MMP11: variants seen among roughly 807,000 people sequenced by gnomAD.
MMP11 encodes stromelysin-3.
Under a neutral mutation model 49.5 loss-of-function variants are expected in MMP11, and 26 were observed. The observed-to-expected ratio is 0.52, with a 90% CI of 0.38 to 0.73. The LOEUF is 0.73. Ranked by LOEUF, MMP11 falls within the 30% of genes least tolerant of loss-of-function variation. The pLI, the probability that MMP11 is intolerant of heterozygous loss-of-function variation, is 0.00. For synonymous variants in MMP11, 265 were observed against 282.3 expected (o/e 0.94, Z 0.62); for missense variants, 624 against 671.2 (o/e 0.93, Z 0.78).
intron 6 of MMP11, 42 bp from the exon 7 acceptor site, chr22:23,782,184 G>A (rs1348416473): frequency 2.5e-6 from 4 of 1,588,392 alleles, no homozygotes; most frequent in East Asian, 2.2e-5. Flanking sequence ...GGGCATGGCA[G>A]TGGTGGCTGG....
At position 23,781,233 on chromosome 22, in the gene MMP11, C is replaced by T. The variant is rs1273907488; in HGVS notation, c.899C>T (p.Ala300Val). ...GATGCCTGTGAGGCCTCCTTTGACG[C>T]GGTCTCCACCATCCGAGGCGAGCTC... ...PPDACEASFD[A>V]VSTIRGELFF... The change falls in exon 6 of 8, where the codon GCG becomes GTG. Residue 300 changes from alanine (A) to valine (V), a missense_variant. By Grantham distance (64) the Ala-to-Val change is moderately conservative. Transcript: ENST00000215743. 6.8e-6 allele frequency: 11 copies of T among 1,611,518 alleles called. No homozygotes were observed. Among genetic ancestry groups the T allele is most frequent in the African/African-American group, 1.3e-5 (1 of 74,944 alleles).
chr22:23,781,425 G>T lies in MMP11; in HGVS notation c.1075+16G>T. ...TTCTTCCAAGGTGAGTGGGGGTTGG[G>T]GATCTGCTCGAGAGACTTCCCAGAG... On this transcript the variant is annotated intron_variant, in intron 6 of 7. Coordinates refer to ENST00000215743, the MANE Select transcript of MMP11 (RefSeq NM_005940.5). 1 of 1,574,034 alleles carries T rather than the reference G, an allele frequency of 6.4e-7. No individual in the cohort carries two copies.
intron 1 of MMP11, among the ~76,000 whole-genome samples, chr22:23,778,113 C>A (rs1321303513): frequency 6.6e-6 from 1 of 152,218 alleles, no homozygotes; most frequent in Non-Finnish European, 1.5e-5. Context: ...AGTCTCTCAG[C>A]AAGCAGCACA....
chr22:23,779,544 C>T, intron 2 of MMP11, 128 bp downstream of exon 2: 1 of 847,424 alleles, frequency 1.2e-6, no homozygotes, highest in Non-Finnish European at 1.8e-6. Flanking sequence ...TGTGTGTCCA[C>T]TGAACCCCAG....
rs1434263354 is a variant in MMP11, at chr22:23,781,040, C to T, written c.798C>T (p.Ser266=). ...GCCAGCCCTGGCCCACTGTCACCTC[C>T]AGGACCCCAGCCCTGGGCCCCCAGG... The part of the protein sequence containing the change: ...LYGQPWPTVT[S]RTPALGPQAG... The change falls in exon 5 of 8, where the codon TCC becomes TCT. Residue 266 remains serine, a synonymous_variant. Coordinates refer to ENST00000215743, the MANE Select transcript of MMP11 (RefSeq NM_005940.5). The T allele has an allele frequency of 6.2e-7, 1 of 1,611,788 alleles. No homozygotes were observed. The highest frequency in any genetic ancestry group is 2.2e-5 in the East Asian group (1 of 44,888).
chr22:23,777,321 A>C (rs996312970), intron 1 of MMP11, among the ~76,000 whole-genome samples: 7 of 151,152 alleles, frequency 4.6e-5, no homozygotes, highest in Admixed American at 6.6e-5. Context: ...TAATCCCAGC[A>C]CTTTGGGAGG....
chr22:23,772,925 A>ATGCTGCTGCTGC lies in MMP11; in HGVS notation c.60_71dup (p.Leu21_Leu24dup). 1 of 1,208,312 alleles carries ATGCTGCTGCTGC rather than the reference A, an allele frequency of 8.3e-7. No homozygotes were observed. The highest frequency in any genetic ancestry group is 3.2e-5 in the South Asian group (1 of 30,790). The allele number at this position is 1,208,312 out of a possible 1,614,324, so 74.8% of individuals were successfully genotyped here. ...GGCCGCGCGCGCCCTCCTGCCCCCG[A>ATGCTGCTGCTGC]TGCTGCTGCTGCTGCTCCAGCCGCC... On this transcript the variant is annotated inframe_insertion, in exon 1 of 8. Transcript: ENST00000215743.
intron 2 of MMP11, 21 bp downstream of exon 2, chr22:23,779,437 C>A (rs746659324): frequency 8.4e-5 from 134 of 1,587,032 alleles, no homozygotes; most frequent in Non-Finnish European, 1.1e-4. Context: ...GGGAGCAGGA[C>A]ACTAGGATGC....
intron 1 of MMP11, among the ~76,000 whole-genome samples, chr22:23,778,078 A>G (rs947985626): frequency 6.6e-6 from 1 of 152,204 alleles, no homozygotes; most frequent in African/African-American, 2.4e-5. Context: ...AGGAGGCTGC[A>G]GTTGCCCAGA....
rs771037827 is a variant in MMP11 at position 23,779,342 on chromosome 22, G to A, written c.264G>A (p.Gly88=). The change falls in exon 2 of 8, where the codon GGG becomes GGA. Residue 88 remains glycine, a synonymous_variant. Transcript: ENST00000215743. The part of the protein sequence containing the change: ...PRCGVPDPSD[G]LSARNRQKRF... ...GTGGCGTGCCCGACCCATCTGATGG[G>A]CTGAGTGCCCGCAACCGACAGAAGA... 3 of 1,612,952 alleles carry A rather than the reference G, an allele frequency of 1.9e-6. No homozygotes were observed. In the African/African-American group the frequency reaches 4.0e-5, roughly 22 times the overall value.
chr22:23,782,061 C>T (rs915575709), intron 6 of MMP11, 165 bp from the exon 7 acceptor site: 16 of 1,036,066 alleles, frequency 1.5e-5, no homozygotes, highest in Non-Finnish European at 2.3e-5. Flanking sequence ...AGGCCTCCCG[C>T]TTCCCTCTGC....
chr22:23,782,759 TGCTCTAA>T, intron 7 of MMP11: 1 of 543,008 alleles, frequency 1.8e-6, no homozygotes, highest in Non-Finnish European at 3.3e-6. Context: ...GGGCCAACAA[TGCTCTAA>T]GCTCCTTACT....
At chr22:23,779,070 T>A (rs1289923587) in intron 1 of MMP11, 117 bp from the exon 2 acceptor site, 4 of 798,632 alleles carry the variant, frequency 5.0e-6, no homozygotes, top group Non-Finnish European at 7.8e-6. Flanking sequence ...CCTCTCCATT[T>A]GCCCAGCCAC....
At position 23,779,299 on chromosome 22, in the gene MMP11, G is replaced by A. The variant is rs1033456183; in HGVS notation, c.221G>A (p.Ser74Asn). Residue 74 changes from serine (S) to asparagine (N), a missense_variant, in exon 2 of 8, where the codon AGC becomes AAC. Coordinates refer to ENST00000215743, the MANE Select transcript of MMP11 (RefSeq NM_005940.5). ...ATQEAPRPAS[S>N]LRPPRCGVPD... ...CAGGAAGCCCCCCGGCCTGCCAGCAGCCTCAGGCCTCCCCGCTGTGGCGTG... is the reference window on the plus strand; with the variant it reads ...CAGGAAGCCCCCCGGCCTGCCAGCAACCTCAGGCCTCCCCGCTGTGGCGTG... 1 of 1,611,704 alleles carries A rather than the reference G, an allele frequency of 6.2e-7. No homozygotes were observed. The highest frequency in any genetic ancestry group is 1.7e-5 in the Admixed American group (1 of 59,832).
rs530500782 is a variant in MMP11 at position 23,780,962 on chromosome 22, C to T, written c.720C>T (p.Arg240=). 6.2e-7 allele frequency: 1 copy of T among 1,613,868 alleles called. No individual in the cohort carries two copies. The highest frequency in any genetic ancestry group is 1.7e-5 in the Admixed American group (1 of 60,026). ...TGATGTCCGCCTTCTACACCTTTCG[C>T]TACCCACTGAGTCTCAGCCCAGATG... ...KALMSAFYTF[R]YPLSLSPDDC... is the part of the protein sequence containing the mutation. Residue 240 remains arginine (R), a synonymous_variant, in exon 5 of 8, where the codon CGC becomes CGT. Coordinates refer to ENST00000215743, the MANE Select transcript of MMP11 (RefSeq NM_005940.5). This position sits in a 1 kb window ranked among gnomAD's most constrained non-coding sequence, Gnocchi z 4.6.
At position 23,783,428 on chromosome 22, in the gene MMP11, C is replaced by T. The variant is rs62642531; in HGVS notation, c.1351C>T (p.Arg451Cys). 6.4e-5 allele frequency: 104 copies of T among 1,614,188 alleles called. No individual in the cohort carries two copies. Among genetic ancestry groups the T allele is most frequent in the East Asian group, 2.9e-4 (13 of 44,878 alleles). The change falls in exon 8 of 8, where the codon CGC (arginine) becomes TGC (cysteine). Residue 451 changes from arginine (R) to cysteine (C), a missense_variant. Transcript: ENST00000215743. ...QDADGYAYFL[R>C]GRLYWKFDPV... ...CTTCTCAGGCTATGCCTACTTCCTG[C>T]GCGGCCGCCTCTACTGGAAGTTTGA...
rs573837633 is a variant in MMP11 at position 23,781,234 on chromosome 22, G to A, written c.900G>A (p.Ala300=). 55 of 1,611,626 alleles carry A rather than the reference G, an allele frequency of 3.4e-5. No homozygotes were observed. In the Admixed American group the frequency reaches 6.7e-4, roughly 20 times the overall value. ...ATGCCTGTGAGGCCTCCTTTGACGC[G>A]GTCTCCACCATCCGAGGCGAGCTCT... ...PPDACEASFD[A]VSTIRGELFF... is the part of the protein sequence containing the mutation. The change falls in exon 6 of 8, where the codon GCG becomes GCA. Residue 300 remains alanine (A), a synonymous_variant. Coordinates refer to ENST00000215743, the MANE Select transcript of MMP11 (RefSeq NM_005940.5).
intron 1 of MMP11, among the ~76,000 whole-genome samples, chr22:23,774,624 G>C (rs570358129): frequency 1.3e-5 from 2 of 152,210 alleles, no homozygotes; most frequent in Non-Finnish European, 2.9e-5. Flanking sequence ...TTGCCACCTG[G>C]CTGTGTGAGT....
At chr22:23,774,821 G>A (rs556839964) in intron 1 of MMP11, among the ~76,000 whole-genome samples, 2 of 152,080 alleles carry the variant, frequency 1.3e-5, no homozygotes, top group African/African-American at 2.4e-5. Flanking sequence ...CCAGCCTTTC[G>A]CAGTGTTTCC....
Sources: allele counts gnomAD v4.1 joint callset (sites outside exome capture counted in the v4.1 genomes callset), GRCh38; gene constraint gnomAD v4.1.1; non-coding constraint Gnocchi (gnomAD v3.1); transcripts MANE v1.5; gene names NCBI Gene and HGNC (gene_info 2026-07-23, HGNC 2026-07-21).